Variants in TM2D2 observed in about 807,000 individuals in gnomAD.
TM2D2 encodes the protein TM2 domain-containing protein 2.
A neutral mutation model predicts 23.0 loss-of-function variants in TM2D2; 19 were observed. That is an observed-to-expected ratio of 0.82 (90% CI 0.58 to 1.21). The LOEUF (loss-of-function observed/expected upper bound fraction) is 1.21. Among genes scored for constraint, TM2D2 ranks in the 50% most tolerant of loss-of-function variants. TM2D2 has a pLI of 0.00. For synonymous variants in TM2D2, 120 were observed against 108.8 expected (o/e 1.10, Z -0.64); for missense variants, 246 against 265.4 (o/e 0.93, Z 0.51).
chr8:38,995,464 G>C (rs781535205), intron 1 of TM2D2, 59 bp from the exon 2 acceptor site: 40 of 1,599,028 alleles, frequency 2.5e-5, no homozygotes, highest in Non-Finnish European at 3.0e-5. Context: ...ATCGCTGTTT[G>C]CATGCACGTA....
chr8:38,994,670 T>C (rs929027934), intron 2 of TM2D2, among the ~76,000 whole-genome samples: 3 of 152,156 alleles, frequency 2.0e-5, no homozygotes, highest in African/African-American at 7.2e-5. Flanking sequence ...GGCGAGTCCA[T>C]GGTGGGGAGG....
intron 3 of TM2D2, among the ~76,000 whole-genome samples, chr8:38,993,226 T>G (rs957737369): frequency 2.0e-5 from 3 of 152,184 alleles, no homozygotes; most frequent in African/African-American, 7.2e-5. Flanking sequence ...ATAAACATAT[T>G]GCTTCTGTCA....
chr8:38,995,703 A>C, intron 1 of TM2D2: 1 of 1,310,122 alleles, frequency 7.6e-7, no homozygotes. Context: ...TCTGGGGGCA[A>C]AATTTAAGCC....
chr8:38,996,677 C>T, upstream of TM2D2: 1 of 1,426,610 alleles, frequency 7.0e-7, no homozygotes, highest in East Asian at 2.5e-5. Context: ...TCTTCTGGGT[C>T]TCATGCTCCT....
upstream of TM2D2, chr8:38,996,884 G>GCGAGCTCGGAC (rs1835823595): frequency 8.2e-6 from 12 of 1,463,554 alleles, no homozygotes; most frequent in Non-Finnish European, 1.1e-5. Context: ...GATGTCGGGA[G>GCGAGCTCGGAC]CGAGCTCGGA....
At chr8:38,992,345 G>A (rs528128866) in intron 3 of TM2D2, among the ~76,000 whole-genome samples, 97 of 146,920 alleles carry the variant, frequency 6.6e-4, no homozygotes, top group African/African-American at 2.2e-3. Flanking sequence ...AGGTGTGGTG[G>A]AGCACACCTG....
Position 38,991,506 on chromosome 8 carries a change from G to A in TM2D2, c.471C>T (p.Ser157=), listed in dbSNP as rs1187407883. Residue 157 remains serine, a synonymous_variant, in exon 4 of 4, where the codon TCC becomes TCT. Coordinates refer to ENST00000456397, the MANE Select transcript of TM2D2 (RefSeq NM_078473.3). ...GHYFITTLLY[S]FFLGCFGVDR... ...CCACACCAAAACATCCCAGGAAGAA[G>A]GAGTAGAGTAAAGTGGTTATGAAGT... 1 of 1,614,060 alleles carries A rather than the reference G, an allele frequency of 6.2e-7. No individual in the cohort carries two copies. The highest frequency in any genetic ancestry group is 8.5e-7 in the Non-Finnish European group (1 of 1,180,010).
chr8:38,995,504 C>T, intron 1 of TM2D2, 99 bp from the exon 2 acceptor site: 1 of 1,579,830 alleles, frequency 6.3e-7, no homozygotes, highest in Non-Finnish European at 8.6e-7. Context: ...ATTTCTTCAT[C>T]AAGTTTTCTG....
intron 2 of TM2D2, chr8:38,993,920 A>C (rs1473984689): frequency 1.1e-5 from 3 of 262,328 alleles, no homozygotes; most frequent in African/African-American, 2.2e-5. Flanking sequence ...AAAACCCCCA[A>C]ACACACTCAG....
At position 38,993,606 on chromosome 8, in the gene TM2D2, A is replaced by G; in HGVS notation, c.370T>C (p.Leu124=). 1.2e-6 allele frequency: 2 copies of G among 1,614,034 alleles called. No homozygotes were observed. Among genetic ancestry groups the G allele is most frequent in the Non-Finnish European group, 1.7e-6 (2 of 1,179,904 alleles). ...VEHTSVQCHA[L]DGIECASPRT... ...GGACTGGCACACTCAATTCCATCTA[A>G]GGCATGGCACTGGACTGAAGTGTGT... is the stretch of plus-strand genomic sequence containing the variant. Residue 124 remains leucine (L), a synonymous_variant, in exon 3 of 4, where the codon TTA becomes CTA. Coordinates refer to ENST00000456397, the MANE Select transcript of TM2D2 (RefSeq NM_078473.3).
In TM2D2 at chr8:38,990,357, T is replaced by C. The variant is rs576027343; in HGVS notation, c.*975A>G. On this transcript the variant is annotated 3_prime_UTR_variant, in exon 4 of 4. Coordinates refer to ENST00000456397, the MANE Select transcript of TM2D2 (RefSeq NM_078473.3). Reference sequence around the variant, plus strand: ...CCTTTGATTTTATATTTAATAGTTCTTTCAACTTAGATTGCAAACGATGAG... The same window carrying C: ...CCTTTGATTTTATATTTAATAGTTCCTTCAACTTAGATTGCAAACGATGAG... 109 of 152,356 alleles carry C rather than the reference T, an allele frequency of 7.2e-4. No homozygotes were observed. The highest frequency in any genetic ancestry group is 2.5e-3 in the African/African-American group (106 of 41,584). The allele number at this position is 152,356 out of a possible 1,614,324, so 9.4% of individuals were successfully genotyped here.
Position 38,989,185 on chromosome 8 carries a change from TC to T in TM2D2, c.*2146del, listed in dbSNP as rs1283052305. 2 of 152,226 alleles carry T rather than the reference TC, an allele frequency of 1.3e-5. No homozygotes were observed. The highest frequency in any genetic ancestry group is 2.9e-5 in the Non-Finnish European group (2 of 68,040). The allele number at this position is 152,226 out of a possible 1,614,324, so 9.4% of individuals were successfully genotyped here. A position where few individuals can be genotyped will look rare whatever the true frequency, so the allele number is the denominator to read the frequency against. ...TACCACTCTAGCAGCGAGAACAACT[TC>T]TTTTGTCTCCAGCAGCTTTACTGAC... On this transcript the variant is annotated 3_prime_UTR_variant, in exon 4 of 4. Coordinates refer to ENST00000456397, the MANE Select transcript of TM2D2 (RefSeq NM_078473.3).
upstream of TM2D2, chr8:38,996,982 G>T (rs1175832836): frequency 8.5e-6 from 13 of 1,536,016 alleles, no homozygotes; most frequent in African/African-American, 5.5e-5. Flanking sequence ...CAGACTTGGG[G>T]CCCCGGCAGG....
At chr8:38,992,646 C>T (rs75385437) in intron 3 of TM2D2, among the ~76,000 whole-genome samples, 2 of 152,070 alleles carry the variant, frequency 1.3e-5, no homozygotes, top group Non-Finnish European at 2.9e-5. Flanking sequence ...TTGGATTGGA[C>T]AAGAAGTCAT....
intron 1 of TM2D2, chr8:38,995,686 A>G: frequency 7.6e-7 from 1 of 1,318,962 alleles, no homozygotes; most frequent in Admixed American, 3.7e-5. Context: ...TAGGCAAACA[A>G]CAAGATTCTG....
intron 3 of TM2D2, among the ~76,000 whole-genome samples, chr8:38,992,726 C>T (rs900532686): frequency 3.3e-5 from 5 of 152,178 alleles, no homozygotes; most frequent in African/African-American, 1.2e-4. Flanking sequence ...TCTGTAGAGG[C>T]TCTTTTCCTG....
In TM2D2 at chr8:38,991,178, A is replaced by T; in HGVS notation, c.*154T>A. 1.5e-6 allele frequency: 1 copy of T among 678,148 alleles called. No homozygotes were observed. Among genetic ancestry groups the T allele is most frequent in the Non-Finnish European group, 2.5e-6 (1 of 403,900 alleles). 42.0% of individuals were successfully genotyped at this position (678,148 alleles called of 1,614,324 possible). On this transcript the variant is annotated 3_prime_UTR_variant, in exon 4 of 4. Coordinates refer to ENST00000456397, the MANE Select transcript of TM2D2 (RefSeq NM_078473.3). ...AAGGTAAAATCTGGGTTGAAATTCC[A>T]AAGTCCAAAGAAGCCTTCTTAACCA... is the stretch of plus-strand genomic sequence containing the variant.
intron 2 of TM2D2, 31 bp downstream of exon 2, chr8:38,995,287 G>A (rs760479120): frequency 2.1e-6 from 3 of 1,449,532 alleles, no homozygotes; most frequent in African/African-American, 1.4e-5. Context: ...GTTATCGAAG[G>A]GTTTGCTCTT....
At chr8:38,991,946 T>C (rs1293004920) in intron 3 of TM2D2, among the ~76,000 whole-genome samples, 1 of 152,156 alleles carries the variant, frequency 6.6e-6, no homozygotes, top group African/African-American at 2.4e-5. Context: ...GAGTGGTCCC[T>C]GGTTGCCTGG....
Sources: gnomAD v4.1 joint callset for allele counts (sites outside exome capture counted in the v4.1 genomes callset) on GRCh38, gnomAD v4.1.1 for gene constraint, MANE v1.5 for transcripts, NCBI Gene and HGNC (gene_info 2026-07-23, HGNC 2026-07-21) for gene names.